Variants in NDC1 observed in about 807,000 individuals in gnomAD.
The protein encoded by NDC1 is nucleoporin NDC1.
In NDC1, 24 loss-of-function variants were observed where a neutral mutation model predicts 89.8. The observed-to-expected ratio is 0.27, with a 90% CI of 0.19 to 0.38. The LOEUF is 0.38. Ranked by LOEUF, NDC1 falls within the 10% of genes least tolerant of loss-of-function variation. The probability of loss-of-function intolerance (pLI) is 1.00; values close to 1 mark genes in which losing one functional copy is unlikely to be tolerated. For synonymous variants in NDC1, 296 were observed against 284.8 expected, an observed-to-expected ratio of 1.04 and a Z score of -0.39; for missense variants, 728 against 797.6, an observed-to-expected ratio of 0.91 and a Z score of 1.05.
At position 53,767,967 on chromosome 1, in the gene NDC1, TAACTA is replaced by T; in HGVS notation, c.2023_*2del. The T allele has an allele frequency of 1.3e-6, 2 of 1,587,576 alleles. No individual in the cohort carries two copies. Among genetic ancestry groups the T allele is most frequent in the African/African-American group, 1.3e-5 (1 of 74,468 alleles). ...TGTAATGAACACAGTTTATATTACT[TAACTA>T]TTCTTTGAACTCCAAGAACTGTTGA... On this transcript the variant is annotated stop_lost and 3_prime_UTR_variant, in exon 18 of 18. Coordinates refer to ENST00000371429, the MANE Select transcript of NDC1 (RefSeq NM_018087.5).
Position 53,796,887 on chromosome 1 carries a change from T to A in NDC1, c.1468+12A>T, listed in dbSNP as rs764926084. Reference sequence around the variant, plus strand: ...ATGACATTTAAAATCTTAAAAAATATATAATTCTCACCAGAAGCTGATGTC... The same window carrying A: ...ATGACATTTAAAATCTTAAAAAATAAATAATTCTCACCAGAAGCTGATGTC... On this transcript the variant is annotated intron_variant, in intron 12 of 17. Transcript: ENST00000371429. The A allele has an allele frequency of 1.2e-5, 20 of 1,611,410 alleles. No individual in the cohort carries two copies. The highest frequency in any genetic ancestry group is 1.7e-5 in the Non-Finnish European group (20 of 1,179,338).
At chr1:53,794,126 C>T (rs749285574) in intron 13 of NDC1, among the ~76,000 whole-genome samples, 6 of 152,058 alleles carry the variant, frequency 3.9e-5, no homozygotes, top group Non-Finnish European at 5.9e-5. Flanking sequence ...CAGGAATGCA[C>T]CACCACACCC....
At chr1:53,834,983 T>C (rs1028890405) in intron 2 of NDC1, among the ~76,000 whole-genome samples, 1 of 125,914 alleles carries the variant, frequency 7.9e-6, no homozygotes, top group Non-Finnish European at 1.6e-5. Flanking sequence ...TGGCGCGTGC[T>C]GAGGCACAAG....
chr1:53,820,128 G>T (rs1273589001), intron 5 of NDC1, among the ~76,000 whole-genome samples: 1 of 151,924 alleles, frequency 6.6e-6, no homozygotes, highest in Non-Finnish European at 1.5e-5. Context: ...GGTGGCACAT[G>T]CCTGTAATCG....
chr1:53,831,006 G>A (rs1270196649), intron 3 of NDC1, among the ~76,000 whole-genome samples: 1 of 152,182 alleles, frequency 6.6e-6, no homozygotes, highest in Non-Finnish European at 1.5e-5. Flanking sequence ...CCGATCACGA[G>A]GTGAGGAGAT....
intron 16 of NDC1, among the ~76,000 whole-genome samples, chr1:53,777,696 T>C (rs573243158): frequency 7.2e-5 from 11 of 152,252 alleles, no homozygotes; most frequent in Non-Finnish European, 1.6e-4. Flanking sequence ...CAAAAAGCAC[T>C]GAAAACAAAA....
chr1:53,787,907 T>A (rs538255429), intron 15 of NDC1, among the ~76,000 whole-genome samples: 1 of 149,416 alleles, frequency 6.7e-6, no homozygotes, highest in African/African-American at 2.4e-5. Context: ...CATACAGTAT[T>A]CAGAGAATGG....
At chr1:53,807,830 A>T (rs1177166130) in intron 7 of NDC1, 39 bp from the exon 8 acceptor site, 3 of 1,566,488 alleles carry the variant, frequency 1.9e-6, no homozygotes, top group Non-Finnish European at 2.6e-6. Flanking sequence ...TCTAGGAAAA[A>T]TGCAATCTAA....
chr1:53,787,529 C>A (rs1290091042), intron 15 of NDC1, among the ~76,000 whole-genome samples: 2 of 151,672 alleles, frequency 1.3e-5, no homozygotes, highest in African/African-American at 4.8e-5. Context: ...GTCCCAGCTA[C>A]TCGAGAGGCT....
At chr1:53,820,829 G>A (rs567618091) in intron 5 of NDC1, among the ~76,000 whole-genome samples, 8 of 147,396 alleles carry the variant, frequency 5.4e-5, no homozygotes, top group South Asian at 2.2e-4. Flanking sequence ...TTGTGCCTCA[G>A]CCTCCTGAGT....
At chr1:53,829,960 G>A (rs1189593505) in intron 3 of NDC1, among the ~76,000 whole-genome samples, 2 of 152,090 alleles carry the variant, frequency 1.3e-5, no homozygotes, top group Non-Finnish European at 2.9e-5. Context: ...AGACCAGCCT[G>A]GCCAATATGG....
At chr1:53,807,868 G>T in intron 7 of NDC1, 77 bp from the exon 8 acceptor site, 1 of 1,294,532 alleles carries the variant, frequency 7.7e-7, no homozygotes, top group Non-Finnish European at 1.1e-6. Flanking sequence ...TCTCCACATT[G>T]AGACACAAAT....
At chr1:53,768,672 GA>G (rs1647086689) in intron 17 of NDC1, among the ~76,000 whole-genome samples, 1 of 152,220 alleles carries the variant, frequency 6.6e-6, no homozygotes, top group East Asian at 1.9e-4. Flanking sequence ...TGAATATAAT[GA>G]AAAATTCCGG....
chr1:53,830,441 T>C (rs1465410016), intron 3 of NDC1, among the ~76,000 whole-genome samples: 3 of 151,622 alleles, frequency 2.0e-5, no homozygotes, highest in African/African-American at 7.3e-5. Flanking sequence ...GCGACAAAGC[T>C]GGACTCCATC....
At chr1:53,835,395 A>G (rs1250405002) in intron 2 of NDC1, 105 bp downstream of exon 2, 6 of 819,100 alleles carry the variant, frequency 7.3e-6, no homozygotes, top group South Asian at 4.5e-5. Flanking sequence ...TGATGTGTCA[A>G]TATAACATAG....
chr1:53,793,203 C>T, intron 14 of NDC1, 26 bp downstream of exon 14: 1 of 1,571,198 alleles, frequency 6.4e-7, no homozygotes, highest in Non-Finnish European at 8.8e-7. Flanking sequence ...CTCCCCATTC[C>T]CAACGCTATA....
At chr1:53,778,994 A>G (rs1419793919) in intron 16 of NDC1, among the ~76,000 whole-genome samples, 2 of 151,826 alleles carry the variant, frequency 1.3e-5, no homozygotes, top group African/African-American at 4.8e-5. Flanking sequence ...ATACAAAAAA[A>G]TTATTGGGCA....
In NDC1 at chr1:53,825,392, T is replaced by G. The variant is rs187525898; in HGVS notation, c.594+406A>C. Among the ~76,000 whole-genome samples, 837 of 145,512 alleles carry G rather than the reference T, an allele frequency of 5.8e-3. 10 individuals are homozygous for G. Among genetic ancestry groups the G allele is most frequent in the African/African-American group, 0.021 (806 of 37,710 alleles). The stretch of plus-strand genomic sequence containing the variant: ...ATTGCTTGAACCCAGGAGGCGGAGG[T>G]TGCAGTGAGCCGAGATTGCGCCATT... On this transcript the variant is annotated intron_variant, in intron 5 of 17. Transcript: ENST00000371429.
chr1:53,804,336 A>G (rs1349547165), intron 9 of NDC1, among the ~76,000 whole-genome samples: 2 of 152,168 alleles, frequency 1.3e-5, no homozygotes, highest in Non-Finnish European at 2.9e-5. Context: ...GCTCTCAACA[A>G]TGGCACTAAC....
Sources: allele counts gnomAD v4.1 joint callset (sites outside exome capture counted in the v4.1 genomes callset), GRCh38; gene constraint gnomAD v4.1.1; transcripts MANE v1.5; gene names NCBI Gene and HGNC (gene_info 2026-07-23, HGNC 2026-07-21).